Variants in ADGRL3 observed in about 807,000 individuals in gnomAD.
ADGRL3 encodes calcium-independent alpha-latrotoxin receptor 3.
Under a neutral mutation model 153.5 loss-of-function variants are expected in ADGRL3, and 62 were observed. The ratio of observed to expected loss-of-function variants is 0.40; its 90% CI spans 0.33 to 0.50. ADGRL3 has a LOEUF of 0.50. Ranked by LOEUF, ADGRL3 falls within the 20% of genes least tolerant of loss-of-function variation. The pLI is 0.47. For missense variants in ADGRL3, 1,641 were observed against 1,859.4 expected (o/e 0.88, Z 2.16); for synonymous variants, 710 against 672.5 (o/e 1.06, Z -0.86).
At chr4:61,534,377 C>T (rs1235298824) in intron 4 of ADGRL3, among the ~76,000 whole-genome samples, 3 of 152,122 alleles carry the variant, frequency 2.0e-5, no homozygotes, top group Non-Finnish European at 4.4e-5. Flanking sequence ...AATGTGATGT[C>T]TCCAGCTTTG....
chr4:61,676,044 G>A lies in ADGRL3; in HGVS notation c.474-782G>A, dbSNP rs1018617076. ...GCTCCCATAAATAAGAACATGCAAA[G>A]TTTGTCTTTCTGTGCCTGTCTTATT... is the stretch of plus-strand genomic sequence containing the variant. On this transcript the variant is annotated intron_variant, in intron 5 of 26. Coordinates refer to ENST00000683033, the MANE Select transcript of ADGRL3 (RefSeq NM_001387552.1). 4.0e-5 allele frequency among the ~76,000 whole-genome samples: 6 copies of A among 151,650 alleles called. No individual in the cohort carries two copies. In the Admixed American group the frequency reaches 4.0e-4, roughly 10 times the overall value.
At chr4:61,676,696 TA>T in intron 5 of ADGRL3, 129 bp from the exon 6 acceptor site, 1 of 682,366 alleles carries the variant, frequency 1.5e-6, no homozygotes, top group African/African-American at 1.8e-5. Context: ...TTAATAGGCC[TA>T]AAGCCCCAAA....
chr4:61,352,559 A>T (rs2096071511), intron 1 of ADGRL3, among the ~76,000 whole-genome samples: 1 of 151,834 alleles, frequency 6.6e-6, no homozygotes, highest in South Asian at 2.1e-4. Flanking sequence ...TAATTTTTGC[A>T]TTTTTAGTAG....
intron 2 of ADGRL3, among the ~76,000 whole-genome samples, chr4:61,459,332 A>T (rs1386676851): frequency 7.0e-6 from 1 of 143,330 alleles, no homozygotes; most frequent in African/African-American, 2.5e-5. Flanking sequence ...AATAGATTAG[A>T]AATAAAATAA....
At chr4:61,719,823 G>A (rs1385976260) in intron 6 of ADGRL3, among the ~76,000 whole-genome samples, 3 of 151,158 alleles carry the variant, frequency 2.0e-5, no homozygotes, top group Non-Finnish European at 4.4e-5. Context: ...GGCTGGTCTT[G>A]AACTCCTGAC....
At chr4:61,719,080 T>TATAC (rs1332805405) in intron 6 of ADGRL3, among the ~76,000 whole-genome samples, 2 of 152,228 alleles carry the variant, frequency 1.3e-5, no homozygotes, top group Non-Finnish European at 2.9e-5. Flanking sequence ...TATCACATTA[T>TATAC]ATACATTTGG....
chr4:61,599,514 G>A (rs1405811306), intron 5 of ADGRL3, among the ~76,000 whole-genome samples: 2 of 152,166 alleles, frequency 1.3e-5, no homozygotes, highest in Non-Finnish European at 1.5e-5. Context: ...TGTATTTTTA[G>A]TAGAGATGCG....
At chr4:61,736,494 A>C (rs2096515934) in intron 8 of ADGRL3, among the ~76,000 whole-genome samples, 1 of 152,082 alleles carries the variant, frequency 6.6e-6, no homozygotes, top group Admixed American at 6.6e-5. Context: ...CATCTCCACT[A>C]AAAATACAAA....
At chr4:61,679,393 G>T (rs1188597666) in intron 6 of ADGRL3, among the ~76,000 whole-genome samples, 3 of 151,984 alleles carry the variant, frequency 2.0e-5, no homozygotes, top group Non-Finnish European at 2.9e-5. Context: ...ATTGGATTTA[G>T]AATACAGTCT....
intron 4 of ADGRL3, among the ~76,000 whole-genome samples, chr4:61,577,500 G>A (rs1162743232): frequency 6.6e-6 from 1 of 151,922 alleles, no homozygotes; most frequent in Admixed American, 6.6e-5. Flanking sequence ...GAATATTGAT[G>A]TTTATATACT....
At chr4:61,655,612 TTGGCTCAAAGC>T (rs1206471649) in intron 5 of ADGRL3, among the ~76,000 whole-genome samples, 1 of 152,322 alleles carries the variant, frequency 6.6e-6, no homozygotes, top group African/African-American at 2.4e-5. Flanking sequence ...GTTTAGCATT[TTGGCTCAAAGC>T]TGGGGTTGTG....
At chr4:61,901,206 C>T (rs945936739) in intron 11 of ADGRL3, among the ~76,000 whole-genome samples, 8 of 152,148 alleles carry the variant, frequency 5.3e-5, no homozygotes, top group Admixed American at 2.0e-4. Context: ...TAGTCTCTTC[C>T]TATTTCTAAC....
In ADGRL3 at chr4:61,973,993, G is replaced by A. The variant is rs528730091; in HGVS notation, c.2806-5570G>A. Among the ~76,000 whole-genome samples the A allele has an allele frequency of 2.0e-5, 3 of 152,150 alleles. No homozygotes were observed. The East Asian group carries it at 5.8e-4, about 30-fold the overall frequency. On this transcript the variant is annotated intron_variant, in intron 17 of 26. Transcript: ENST00000683033. ...TTTTGTTTTGTTTTCTCCCAGACAA[G>A]GTCTGGGTCTGTCACCCAGGTTGGA...
intron 9 of ADGRL3, among the ~76,000 whole-genome samples, chr4:61,839,848 G>A (rs548935174): frequency 8.6e-5 from 13 of 151,924 alleles, no homozygotes; most frequent in African/African-American, 3.1e-4. Flanking sequence ...CACTCGTGGG[G>A]CTGAGGTGGG....
At chr4:61,597,279 A>G (rs1261803483) in intron 5 of ADGRL3, among the ~76,000 whole-genome samples, 1 of 152,186 alleles carries the variant, frequency 6.6e-6, no homozygotes, top group East Asian at 1.9e-4. Context: ...ATACTTCAAA[A>G]GTAATAAAAA....
chr4:61,774,875 G>A (rs1466969779), intron 8 of ADGRL3, among the ~76,000 whole-genome samples: 1 of 152,142 alleles, frequency 6.6e-6, no homozygotes, highest in African/African-American at 2.4e-5. Flanking sequence ...CCACTGGGGG[G>A]CCTTGGGACA....
At chr4:61,644,268 G>T (rs2093844646) in intron 5 of ADGRL3, among the ~76,000 whole-genome samples, 1 of 145,466 alleles carries the variant, frequency 6.9e-6, no homozygotes, top group African/African-American at 2.5e-5. Context: ...TTTTTGAAGG[G>T]TTTTTTGTGT....
intron 25 of ADGRL3, among the ~76,000 whole-genome samples, chr4:62,055,086 A>G (rs78736728): frequency 0.011 from 1,640 of 151,844 alleles, 33 homozygotes; most frequent in African/African-American, 0.038. Context: ...TGTGCACAAG[A>G]TATGACCCAG....
At chr4:61,801,843 A>G (rs2097501306) in intron 8 of ADGRL3, among the ~76,000 whole-genome samples, 1 of 152,150 alleles carries the variant, frequency 6.6e-6, no homozygotes, top group African/African-American at 2.4e-5. Context: ...ATAATTTTTC[A>G]GTAATGAATA....
Sources: gnomAD v4.1 joint callset for allele counts (sites outside exome capture counted in the v4.1 genomes callset) on GRCh38, gnomAD v4.1.1 for gene constraint, MANE v1.5 for transcripts, NCBI Gene and HGNC (gene_info 2026-07-23, HGNC 2026-07-21) for gene names.